Variants in SRBD1 observed in about 807,000 individuals in gnomAD.
SRBD1 encodes S1 RNA-binding domain-containing protein 1.
SRBD1 carries 88 observed loss-of-function variants against 115.3 expected under a neutral mutation model. That is an observed-to-expected ratio of 0.76 (90% confidence interval 0.64 to 0.91). The LOEUF is 0.91. SRBD1 is among the 40% of genes least tolerant of loss of function. The pLI is 0.00. For synonymous variants in SRBD1, 509 were observed against 407.7 expected (o/e 1.25, Z -2.99); for missense variants, 1,385 against 1,177.4 (o/e 1.18, Z -2.58).
Position 45,542,736 on chromosome 2 carries a change from C to T in SRBD1, c.1874+3996G>A, listed in dbSNP as rs558579252. 1.5e-3 allele frequency among the ~76,000 whole-genome samples: 232 copies of T among 152,346 alleles called. 1 individual carries two copies. The highest frequency in any genetic ancestry group is 5.5e-3 in the African/African-American group (229 of 41,576). ...AGAGAAATGACAGCATATATCCATA[C>T]AGACTTGTAAATGAATGCTCATGCT... is the stretch of plus-strand genomic sequence containing the variant. On this transcript the variant is annotated intron_variant, in intron 14 of 20. Coordinates refer to ENST00000263736, the MANE Select transcript of SRBD1 (RefSeq NM_018079.5).
chr2:45,523,324 GAAGT>G (rs1317905769), intron 14 of SRBD1, among the ~76,000 whole-genome samples: 1 of 144,982 alleles, frequency 6.9e-6, no homozygotes, highest in Non-Finnish European at 1.5e-5. Flanking sequence ...CAGAAGGAAG[GAAGT>G]AATAAAGATT....
At chr2:45,432,046 T>TTTATTTATTTAC (rs1172313682) in intron 16 of SRBD1, among the ~76,000 whole-genome samples, 5 of 148,046 alleles carry the variant, frequency 3.4e-5, no homozygotes, top group Non-Finnish European at 7.5e-5. Context: ...TATTTATTTA[T>TTTATTTATTTAC]TGAGATGGTG....
At chr2:45,414,582 A>AGT (rs1202237491) in intron 18 of SRBD1, among the ~76,000 whole-genome samples, 1 of 137,214 alleles carries the variant, frequency 7.3e-6, no homozygotes, top group Non-Finnish European at 1.6e-5. Flanking sequence ...GTGTGTATAT[A>AGT]GTGTGTGTGT....
intron 16 of SRBD1, among the ~76,000 whole-genome samples, chr2:45,420,586 C>T (rs918622765): frequency 5.3e-5 from 8 of 152,152 alleles, no homozygotes; most frequent in African/African-American, 1.9e-4. Flanking sequence ...AACCATATAT[C>T]ATGTACAAAT....
intron 15 of SRBD1, among the ~76,000 whole-genome samples, chr2:45,486,864 A>G (rs1444894173): frequency 6.6e-6 from 1 of 152,180 alleles, no homozygotes; most frequent in Non-Finnish European, 1.5e-5. Context: ...AATGTTTCAC[A>G]TATACTAAGT....
At chr2:45,453,270 A>C (rs988569623) in intron 16 of SRBD1, among the ~76,000 whole-genome samples, 10 of 147,960 alleles carry the variant, frequency 6.8e-5, no homozygotes, top group South Asian at 4.3e-4. Context: ...GCTATAAGGA[A>C]AAAAAAAAAA....
Position 45,413,126 on chromosome 2 carries a change from T to A in SRBD1, c.2501A>T (p.Asp834Val). ...DQTCIHPESY[D>V]IAMRFLSSIG... ...GCCTCAGACTTACCTCATTGCTATG[T>A]CATATGATTCTGGATGAATACAAGT... Residue 834 changes from aspartate to valine, a missense_variant, in exon 19 of 21, where the codon GAC (aspartate) becomes GTC (valine). By Grantham distance (152) the Asp-to-Val change is radical. Coordinates refer to ENST00000263736, the MANE Select transcript of SRBD1 (RefSeq NM_018079.5). 6.2e-7 allele frequency: 1 copy of A among 1,613,794 alleles called. No homozygotes were observed. The highest frequency in any genetic ancestry group is 8.5e-7 in the Non-Finnish European group (1 of 1,179,862).
intron 14 of SRBD1, among the ~76,000 whole-genome samples, chr2:45,500,527 G>A (rs1670598955): frequency 6.6e-6 from 1 of 151,566 alleles, no homozygotes; most frequent in Admixed American, 6.6e-5. Context: ...CACTCAAGCT[G>A]TCCTCCCACC....
intron 19 of SRBD1, among the ~76,000 whole-genome samples, chr2:45,410,664 G>T (rs79368938): frequency 1.2e-4 from 18 of 152,280 alleles, no homozygotes; most frequent in African/African-American, 4.1e-4. Flanking sequence ...CCAAACAAGT[G>T]ACTAGAGGGG....
At chr2:45,565,965 T>C (rs1007484926) in intron 9 of SRBD1, among the ~76,000 whole-genome samples, 8 of 152,188 alleles carry the variant, frequency 5.3e-5, no homozygotes, top group African/African-American at 1.9e-4. Context: ...TGAAGAGGTA[T>C]TTGTTCAAAA....
At chr2:45,428,824 A>T (rs1433496334) in intron 16 of SRBD1, among the ~76,000 whole-genome samples, 1 of 152,176 alleles carries the variant, frequency 6.6e-6, no homozygotes, top group African/African-American at 2.4e-5. Flanking sequence ...ATCAGACCAG[A>T]ACTGAAGGAG....
chr2:45,497,524 C>G (rs995834913), intron 14 of SRBD1, among the ~76,000 whole-genome samples: 15 of 152,058 alleles, frequency 9.9e-5, no homozygotes, highest in Admixed American at 7.9e-4. Flanking sequence ...TGAGCCACAC[C>G]CCCACAGTTT....
At chr2:45,562,801 T>C (rs1346748012) in intron 9 of SRBD1, 45 bp from the exon 10 acceptor site, 2 of 1,350,760 alleles carry the variant, frequency 1.5e-6, no homozygotes, top group Non-Finnish European at 2.1e-6. Context: ...ACAAAATATA[T>C]GAAACAAATC....
chr2:45,499,684 A>G (rs1205928380), intron 14 of SRBD1, among the ~76,000 whole-genome samples: 2 of 152,136 alleles, frequency 1.3e-5, no homozygotes, highest in African/African-American at 2.4e-5. Context: ...ATGGTAAAAA[A>G]CGGGGATCTA....
In SRBD1 at chr2:45,599,546, A is replaced by T. The variant is rs1294120918; in HGVS notation, c.551T>A (p.Ile184Asn). 6.2e-7 allele frequency: 1 copy of T among 1,614,082 alleles called. No individual in the cohort carries two copies. The highest frequency in any genetic ancestry group is 8.5e-7 in the Non-Finnish European group (1 of 1,180,016). ...CCCCTGAGGATATGTCTCAGTCTTGATTTTCTTTAAAGCGGACTGACCAAA... is the reference window on the plus strand; with the variant it reads ...CCCCTGAGGATATGTCTCAGTCTTGTTTTTCTTTAAAGCGGACTGACCAAA... The part of the protein sequence containing the change: ...FTFGQSALKK[I>N]KTETYPQGQP... Residue 184 changes from isoleucine (I) to asparagine (N), a missense_variant, in exon 4 of 21, where the codon ATC becomes AAC. By Grantham distance (149) the Ile-to-Asn change is moderately radical. Transcript: ENST00000263736.
At chr2:45,574,560 C>T in intron 8 of SRBD1, 67 bp downstream of exon 8, 1 of 1,426,542 alleles carries the variant, frequency 7.0e-7, no homozygotes, top group South Asian at 1.2e-5. Context: ...TTGGTATTAG[C>T]ACTAACCGTG....
At chr2:45,557,705 C>T (rs3770296) in intron 10 of SRBD1, among the ~76,000 whole-genome samples, 77,059 of 151,534 alleles carry the variant, frequency 0.51, 19,978 homozygotes, top group African/African-American at 0.54. Flanking sequence ...ACTTAGCATA[C>T]TAAGGAACCT....
At chr2:45,559,770 T>C (rs189284085) in intron 10 of SRBD1, among the ~76,000 whole-genome samples, 2 of 152,320 alleles carry the variant, frequency 1.3e-5, no homozygotes, top group Admixed American at 1.3e-4. Context: ...CTTGGAATTA[T>C]CTAAATGAAG....
chr2:45,391,530 G>A (rs890206887), intron 20 of SRBD1, among the ~76,000 whole-genome samples: 3 of 152,100 alleles, frequency 2.0e-5, no homozygotes, highest in Admixed American at 2.0e-4. Context: ...TCCTCACCTT[G>A]GGTATGTGTT....
Sources: allele counts gnomAD v4.1 joint callset (sites outside exome capture counted in the v4.1 genomes callset), GRCh38; gene constraint gnomAD v4.1.1; transcripts MANE v1.5; gene names NCBI Gene and HGNC (gene_info 2026-07-23, HGNC 2026-07-21).